The following ARHGAP20 variants were observed in gnomAD, a reference collection of about 807,000 sequenced individuals.
ARHGAP20 encodes the protein rho GTPase-activating protein 20.
Under a neutral mutation model 73.7 loss-of-function variants are expected in ARHGAP20, and 34 were observed. The observed-to-expected ratio is 0.46, with a 90% CI of 0.35 to 0.61. The LOEUF (loss-of-function observed/expected upper bound fraction) is 0.61, where lower values mean the gene tolerates loss of function less well. Among genes scored for constraint, ARHGAP20 ranks in the 20% least tolerant of loss-of-function variants. ARHGAP20 has a pLI of 0.00. For synonymous variants in ARHGAP20, 523 were observed against 518.2 expected, an observed-to-expected ratio of 1.01 and a Z score of -0.13; for missense variants, 1,314 against 1,420.9, an observed-to-expected ratio of 0.92 and a Z score of 1.21.
At chr11:110,701,308 G>C (rs937932450) in intron 1 of ARHGAP20, among the ~76,000 whole-genome samples, 20 of 150,190 alleles carry the variant, frequency 1.3e-4, no homozygotes, top group Non-Finnish European at 2.4e-4. Context: ...TCTCATTGTG[G>C]TTTTGATTTG....
intron 9 of ARHGAP20, among the ~76,000 whole-genome samples, chr11:110,603,531 CAA>C (rs1423225866): frequency 2.0e-5 from 3 of 152,128 alleles, no homozygotes; most frequent in Non-Finnish European, 4.4e-5. Flanking sequence ...AAAGTTAAAA[CAA>C]GAAGCAAGAT....
chr11:110,609,238 C>T (rs1338308635), intron 7 of ARHGAP20, among the ~76,000 whole-genome samples, 188 bp from the exon 8 acceptor site: 1 of 152,032 alleles, frequency 6.6e-6, no homozygotes, highest in East Asian at 1.9e-4. Flanking sequence ...AAAATCATAG[C>T]TGGGCCCCTT....
intron 1 of ARHGAP20, among the ~76,000 whole-genome samples, chr11:110,693,566 G>C (rs945651257): frequency 4.0e-5 from 6 of 151,840 alleles, no homozygotes; most frequent in Non-Finnish European, 7.4e-5. Context: ...ATAACCAGGG[G>C]CTTAATAGAT....
At chr11:110,705,239 T>C (rs1419725271) in intron 1 of ARHGAP20, among the ~76,000 whole-genome samples, 2 of 152,186 alleles carry the variant, frequency 1.3e-5, no homozygotes, top group East Asian at 1.9e-4. Context: ...AAGTTATTGA[T>C]TGGAGAGGAT....
intron 5 of ARHGAP20, among the ~76,000 whole-genome samples, chr11:110,614,897 A>C (rs1565439539): frequency 6.6e-6 from 1 of 152,202 alleles, no homozygotes; most frequent in East Asian, 1.9e-4. Context: ...GAGAAGCACA[A>C]TCAGGTTAGG....
At chr11:110,642,686 G>C (rs1024081477) in intron 2 of ARHGAP20, among the ~76,000 whole-genome samples, 1 of 151,964 alleles carries the variant, frequency 6.6e-6, no homozygotes, top group Non-Finnish European at 1.5e-5. Context: ...ATTTGGTTTG[G>C]TAGTATTTTG....
intron 2 of ARHGAP20, among the ~76,000 whole-genome samples, chr11:110,678,722 C>T (rs954667288): frequency 6.6e-6 from 1 of 152,144 alleles, no homozygotes; most frequent in South Asian, 2.1e-4. Context: ...AGTGCAGTGG[C>T]ACAATCACGG....
At chr11:110,585,677 T>C (rs1424642890) in intron 12 of ARHGAP20, among the ~76,000 whole-genome samples, 1 of 152,172 alleles carries the variant, frequency 6.6e-6, no homozygotes, top group Admixed American at 6.5e-5. Context: ...GTAGAGACAG[T>C]ACATCCTTTG....
chr11:110,690,389 C>A (rs1591181063), intron 2 of ARHGAP20, among the ~76,000 whole-genome samples, 158 bp downstream of exon 2: 1 of 152,170 alleles, frequency 6.6e-6, no homozygotes. Flanking sequence ...GCACTATTAA[C>A]CTCAGAACAA....
intron 2 of ARHGAP20, among the ~76,000 whole-genome samples, chr11:110,665,428 T>C (rs973035847): frequency 1.3e-5 from 2 of 152,074 alleles, no homozygotes; most frequent in Admixed American, 6.5e-5. Flanking sequence ...AGAAAAAATA[T>C]ATAAAACAAA....
chr11:110,647,847 AC>A, intron 2 of ARHGAP20, among the ~76,000 whole-genome samples: 1 of 151,996 alleles, frequency 6.6e-6, no homozygotes, highest in East Asian at 1.9e-4. Flanking sequence ...CTCATATGTT[AC>A]AGAAAATTCT....
At chr11:110,678,836 A>T (rs957333283) in intron 2 of ARHGAP20, among the ~76,000 whole-genome samples, 5 of 149,996 alleles carry the variant, frequency 3.3e-5, no homozygotes, top group African/African-American at 9.8e-5. Context: ...TAATTTTCAC[A>T]TTTTTTTTTG....
intron 1 of ARHGAP20, 27 bp from the exon 2 acceptor site, chr11:110,690,656 G>A: frequency 1.2e-6 from 2 of 1,600,582 alleles, no homozygotes; most frequent in Non-Finnish European, 1.7e-6. Context: ...CCAAAATGAA[G>A]ACCACATGGC....
At chr11:110,679,029 G>A (rs1949987413) in intron 2 of ARHGAP20, among the ~76,000 whole-genome samples, 1 of 152,142 alleles carries the variant, frequency 6.6e-6, no homozygotes, top group African/African-American at 2.4e-5. Flanking sequence ...TCTTAGTTGG[G>A]TGGGTCTTAG....
chr11:110,624,382 A>C, intron 3 of ARHGAP20, 71 bp from the exon 4 acceptor site: 1 of 1,298,068 alleles, frequency 7.7e-7, no homozygotes, highest in Non-Finnish European at 1.0e-6. Context: ...CTTCTCTGGA[A>C]GGCATCATCC....
At position 110,711,578 on chromosome 11, in the gene ARHGAP20, G is replaced by A. The variant is rs529246407; in HGVS notation, c.105+549C>T. The A allele has an allele frequency of 2.2e-4, 320 of 1,466,014 alleles. 8 individuals carry two copies. In the South Asian group the frequency reaches 4.0e-3, roughly 18 times the overall value. 90.8% of individuals were successfully genotyped at this position (1,466,014 alleles called of 1,614,324 possible). On this transcript the variant is annotated intron_variant, in intron 1 of 14. Transcript: ENST00000683387. ...GCAGTACTCCCCATATCTGCCCCCC[G>A]AAAACTGCTATGGAGCAGCCGCGCC...
intron 3 of ARHGAP20, among the ~76,000 whole-genome samples, chr11:110,628,992 C>A (rs932283736): frequency 5.9e-5 from 9 of 152,106 alleles, no homozygotes; most frequent in Non-Finnish European, 1.2e-4. Flanking sequence ...GGTAAAAAAA[C>A]AAAGGTCCTC....
At chr11:110,639,241 C>A (rs527259848) in intron 2 of ARHGAP20, among the ~76,000 whole-genome samples, 3 of 79,698 alleles carry the variant, frequency 3.8e-5, no homozygotes, top group South Asian at 3.2e-4. Context: ...ATTCGATACC[C>A]CCCCCCCACA....
At position 110,712,318 on chromosome 11, in the gene ARHGAP20, G is replaced by C. The variant is rs1329494316; in HGVS notation, c.-87C>G. The C allele has an allele frequency of 6.2e-6, 7 of 1,124,994 alleles. No individual in the cohort carries two copies. The African/African-American group carries it at 6.5e-5, about 10-fold the overall frequency. The allele number at this position is 1,124,994 out of a possible 1,614,324, so 69.7% of individuals were successfully genotyped here. A position where few individuals can be genotyped will look rare whatever the true frequency, so the allele number is the denominator to read the frequency against. ...GCCGGCCGGAGGGGCGAGGACGCGC[G>C]GGCGGAGGCGCGGCTGCCGTGCTCA... On this transcript the variant is annotated 5_prime_UTR_variant, in exon 1 of 15. Transcript: ENST00000683387.
Sources: allele counts gnomAD v4.1 joint callset (sites outside exome capture counted in the v4.1 genomes callset), GRCh38; gene constraint gnomAD v4.1.1; transcripts MANE v1.5; gene names NCBI Gene and HGNC (gene_info 2026-07-23, HGNC 2026-07-21).